The following TTC39C variants were observed in gnomAD, a reference collection of about 807,000 sequenced individuals.
TTC39C encodes the protein tetratricopeptide repeat domain 39C, also known as tetratricopeptide repeat protein 39C.
In TTC39C, 33 loss-of-function variants were observed where a neutral mutation model predicts 76.3. The ratio of observed to expected loss-of-function variants is 0.43; its 90% CI spans 0.33 to 0.58. The LOEUF (loss-of-function observed/expected upper bound fraction) is 0.58. Ranked by LOEUF, TTC39C falls within the 20% of genes least tolerant of loss-of-function variation. TTC39C has a pLI of 0.04. For missense variants in TTC39C, 595 were observed against 701.4 expected (o/e 0.85, Z 1.71); for synonymous variants, 254 against 260.6 (o/e 0.97, Z 0.24).
At chr18:24,001,699 G>A (rs2145626264) in intron 1 of TTC39C, 1 of 152,274 alleles carries the variant, frequency 6.6e-6, no homozygotes, top group Admixed American at 6.5e-5. Context: ...CATTACTCTT[G>A]GGTTCTACTC....
chr18:24,003,970 C>T (rs2083332960), intron 1 of TTC39C, among the ~76,000 whole-genome samples: 1 of 152,128 alleles, frequency 6.6e-6, no homozygotes, highest in Admixed American at 6.6e-5. Context: ...GGCTAGTCTC[C>T]AACTCCTGGC....
intron 6 of TTC39C, among the ~76,000 whole-genome samples, chr18:24,104,229 GC>G (rs1284540625): frequency 2.0e-5 from 3 of 152,110 alleles, no homozygotes; most frequent in Non-Finnish European, 2.9e-5. Flanking sequence ...ACCGCACCTA[GC>G]CCCAAATCCC....
At chr18:24,031,125 T>C (rs2083664170) in intron 1 of TTC39C, among the ~76,000 whole-genome samples, 1 of 148,492 alleles carries the variant, frequency 6.7e-6, no homozygotes, top group East Asian at 2.0e-4. Flanking sequence ...TTTTTTACTT[T>C]TTTTTTTTTT....
rs570029904 is a variant in TTC39C, at chr18:24,020,052, G to A, written c.167+5014G>A. The A allele has an allele frequency of 4.5e-5, 62 of 1,383,958 alleles. 1 individual carries two copies. The South Asian group carries it at 9.7e-4, about 22-fold the overall frequency. 85.7% of individuals were successfully genotyped at this position (1,383,958 alleles called of 1,614,324 possible). Reference sequence around the variant, plus strand: ...AAGTCATCTGCTCACAGACAAGAATGTGTCTCTGCCTTGCTCCTGGAGACG... The same window carrying A: ...AAGTCATCTGCTCACAGACAAGAATATGTCTCTGCCTTGCTCCTGGAGACG... On this transcript the variant is annotated intron_variant, in intron 1 of 13. Transcript: ENST00000317571.
At chr18:24,003,109 C>G (rs867051600) in intron 1 of TTC39C, among the ~76,000 whole-genome samples, 3 of 152,166 alleles carry the variant, frequency 2.0e-5, no homozygotes, top group Non-Finnish European at 4.4e-5. Flanking sequence ...TCTCCTGCCT[C>G]GTCTCTGGCC....
intron 1 of TTC39C, among the ~76,000 whole-genome samples, chr18:24,017,266 C>T (rs2083464431): frequency 2.6e-5 from 4 of 152,290 alleles, no homozygotes; most frequent in Admixed American, 1.3e-4. Flanking sequence ...TTGGAAAGCA[C>T]GGTTGCATAC....
At chr18:24,068,165 A>C (rs2084191474) in intron 3 of TTC39C, among the ~76,000 whole-genome samples, 1 of 152,228 alleles carries the variant, frequency 6.6e-6, no homozygotes, top group Admixed American at 6.5e-5. Context: ...AAGATTTGTA[A>C]TGAGTCCTTG....
intron 1 of TTC39C, among the ~76,000 whole-genome samples, chr18:24,046,090 C>A (rs1473185667): frequency 1.3e-5 from 2 of 151,256 alleles, no homozygotes; most frequent in African/African-American, 2.4e-5. Flanking sequence ...AGGCGCCCGC[C>A]ACCACACCCA....
intron 1 of TTC39C, among the ~76,000 whole-genome samples, chr18:24,029,295 G>A (rs1435349394): frequency 6.6e-6 from 1 of 152,084 alleles, no homozygotes; most frequent in African/African-American, 2.4e-5. Flanking sequence ...TAAAGACGGG[G>A]TTTTTCCGTG....
chr18:24,085,067 A>C (rs993747157), intron 6 of TTC39C, among the ~76,000 whole-genome samples: 1 of 152,234 alleles, frequency 6.6e-6, no homozygotes, highest in African/African-American at 2.4e-5. Flanking sequence ...TTTAGTGTTT[A>C]ACAGAGATTT....
intron 1 of TTC39C, among the ~76,000 whole-genome samples, chr18:23,993,586 A>T (rs1021594839): frequency 6.6e-6 from 1 of 152,234 alleles, no homozygotes; most frequent in African/African-American, 2.4e-5. Flanking sequence ...TAAATCTTGT[A>T]TAAAGATCGA....
upstream of TTC39C, among the ~76,000 whole-genome samples, chr18:24,010,396 G>A (rs1445966985): frequency 1.3e-5 from 2 of 152,160 alleles, no homozygotes; most frequent in Admixed American, 1.3e-4. Context: ...GAAATCTTTA[G>A]GCTAAAATAC....
chr18:24,123,415 T>TTGTTTTTC (rs2085002335), intron 8 of TTC39C, among the ~76,000 whole-genome samples: 1 of 147,072 alleles, frequency 6.8e-6, no homozygotes, highest in African/African-American at 2.4e-5. Flanking sequence ...GTTTGTTTGT[T>TTGTTTTTC]TGTTTTTCTG....
chr18:24,119,466 A>G (rs1018662359), intron 8 of TTC39C, among the ~76,000 whole-genome samples: 2 of 152,208 alleles, frequency 1.3e-5, no homozygotes, highest in Non-Finnish European at 2.9e-5. Context: ...TAACTGATCT[A>G]TATAAAATAA....
upstream of TTC39C, chr18:24,014,653 G>C: frequency 1.7e-6 from 1 of 578,782 alleles, no homozygotes; most frequent in Non-Finnish European, 2.4e-6. Context: ...TCCCCGCGGC[G>C]GCGGCCGGAC....
At chr18:24,096,180 C>G (rs923685184) in intron 6 of TTC39C, among the ~76,000 whole-genome samples, 2 of 152,124 alleles carry the variant, frequency 1.3e-5, no homozygotes, top group African/African-American at 4.8e-5. Flanking sequence ...TGAGCTCATA[C>G]TGTTGGAAAA....
chr18:24,130,322 C>G lies in TTC39C; in HGVS notation c.1528C>G (p.Arg510Gly). The G allele has an allele frequency of 6.4e-7, 1 of 1,565,084 alleles. No individual in the cohort carries two copies. Among genetic ancestry groups the G allele is most frequent in the South Asian group, 1.2e-5 (1 of 84,608 alleles). The change falls in exon 12 of 14, where the codon CGA (arginine) becomes GGA (glycine). Residue 510 changes from arginine (R) to glycine (G), a missense_variant. Transcript: ENST00000317571. ...TTTGCATTCCTTTCAGTACTTCCAG[C>G]GAGCTGTTAAAGATGAATTGTGTCG... Reference protein sequence around the residue: ...NSEDAVQYFQRAVKDELCRQN... With the variant: ...NSEDAVQYFQGAVKDELCRQN...
At chr18:24,128,673 C>A (rs7233817) in intron 10 of TTC39C, among the ~76,000 whole-genome samples, 1,731 of 152,252 alleles carry the variant, frequency 0.011, 31 homozygotes, top group African/African-American at 0.04. Flanking sequence ...TAGTACAGTA[C>A]CTCATACAAA....
intron 6 of TTC39C, among the ~76,000 whole-genome samples, chr18:24,092,767 G>A (rs905685804): frequency 1.3e-5 from 2 of 152,138 alleles, no homozygotes; most frequent in African/African-American, 4.8e-5. Context: ...ATGGATACAT[G>A]GTACATAGTT....
Sources: gnomAD v4.1 joint callset for allele counts (sites outside exome capture counted in the v4.1 genomes callset) on GRCh38, gnomAD v4.1.1 for gene constraint, MANE v1.5 for transcripts, NCBI Gene and HGNC (gene_info 2026-07-23, HGNC 2026-07-21) for gene names.